G3BP2: variants seen among roughly 807,000 people sequenced by gnomAD.
G3BP2 encodes ras GTPase-activating protein-binding protein 2.
A neutral mutation model predicts 56.7 loss-of-function variants in G3BP2; 11 were observed. The observed-to-expected ratio is 0.19, with a 90% confidence interval of 0.12 to 0.32. The LOEUF is 0.32. G3BP2 is among the 10% of genes least tolerant of loss of function. The pLI is 1.00. For synonymous variants in G3BP2, 165 were observed against 191.6 expected (o/e 0.86, Z 1.15); for missense variants, 340 against 610.9 (o/e 0.56, Z 4.67).
At chr4:75,714,486 G>A (rs1719863622) in intron 3 of G3BP2, among the ~76,000 whole-genome samples, 1 of 152,092 alleles carries the variant, frequency 6.6e-6, no homozygotes, top group Non-Finnish European at 1.5e-5. Context: ...AAATTAACTG[G>A]GCGTGGTGGC....
chr4:75,654,446 G>C (rs549473588), intron 7 of G3BP2, among the ~76,000 whole-genome samples: 1 of 152,196 alleles, frequency 6.6e-6, no homozygotes, highest in African/African-American at 2.4e-5. Flanking sequence ...TGGTGTTAAC[G>C]GGAGAGGGAA....
intron 3 of G3BP2, among the ~76,000 whole-genome samples, chr4:75,697,969 T>C (rs1274385960): frequency 6.6e-6 from 1 of 151,980 alleles, no homozygotes; most frequent in African/African-American, 2.4e-5. Context: ...AAATATGAAA[T>C]ACAAACAACC....
At chr4:75,683,866 G>A (rs1482037950) in intron 3 of G3BP2, among the ~76,000 whole-genome samples, 1 of 152,126 alleles carries the variant, frequency 6.6e-6, no homozygotes, top group African/African-American at 2.4e-5. Flanking sequence ...GTGGTGACAT[G>A]AAAAGGGAAA....
chr4:75,660,729 T>TTTC (rs1387000255), intron 2 of G3BP2, among the ~76,000 whole-genome samples: 25 of 152,230 alleles, frequency 1.6e-4, no homozygotes, highest in African/African-American at 6.0e-4. Context: ...TTAAACAGCC[T>TTTC]TTCTCACAGT....
chr4:75,658,860 C>T lies in G3BP2; in HGVS notation c.160G>A (p.Ala54Thr). The change falls in exon 3 of 12, where the codon GCT becomes ACT. Residue 54 changes from alanine (A) to threonine (T), a missense_variant. By Grantham distance (58) the Ala-to-Thr change is moderately conservative. Transcript: ENST00000359707. ...GVDASGKPQE[A>T]VYGQNDIHHK... ...ATACTTACATTTTGGCCATAAACAG[C>T]TTCCTGGGGCTTTCCACTAGCATCT... The T allele has an allele frequency of 6.2e-7, 1 of 1,610,658 alleles. No individual in the cohort carries two copies. The highest frequency in any genetic ancestry group is 1.1e-5 in the South Asian group (1 of 90,980).
rs543495301 is a variant in G3BP2 at position 75,710,010 on chromosome 4, G to GA, written c.-25+10866dup. On this transcript the variant is annotated intron_variant, in intron 3 of 3. Coordinates refer to the G3BP2 transcript ENST00000499709. ...AAGGTCAGCTAATTCCATTTAATGGGAAAAAAGAGCTTATTGAACATATGA... is the reference window on the plus strand; with the variant it reads ...AAGGTCAGCTAATTCCATTTAATGGGAAAAAAAGAGCTTATTGAACATATGA... Among the ~76,000 whole-genome samples the GA allele has an allele frequency of 3.8e-3, 580 of 152,182 alleles. 5 individuals carry two copies. Among genetic ancestry groups the GA allele is most frequent in the African/African-American group, 0.013 (553 of 41,518 alleles).
intron 3 of G3BP2, among the ~76,000 whole-genome samples, chr4:75,706,168 TCTA>T (rs1488693954): frequency 2.0e-5 from 3 of 152,184 alleles, no homozygotes; most frequent in African/African-American, 7.2e-5. Flanking sequence ...CTTTGGAAAC[TCTA>T]CTAAGATCCT....
intron 2 of G3BP2, chr4:75,661,645 A>T: frequency 4.7e-6 from 1 of 211,402 alleles, no homozygotes; most frequent in South Asian, 7.9e-5. Context: ...GTGACAGAGG[A>T]GACCATGACT....
At chr4:75,717,796 C>T (rs997513774) in intron 3 of G3BP2, among the ~76,000 whole-genome samples, 1 of 152,130 alleles carries the variant, frequency 6.6e-6, no homozygotes, top group African/African-American at 2.4e-5. Flanking sequence ...CCACAAGAAA[C>T]AGTGCTAGGG....
At position 75,645,111 on chromosome 4, in the gene G3BP2, A is replaced by C. The variant is rs191065771; in HGVS notation, c.*319T>G. The C allele has an allele frequency of 1.8e-4, 53 of 291,788 alleles. No homozygotes were observed. The highest frequency in any genetic ancestry group is 1.0e-3 in the Middle Eastern group (1 of 1,002). 18.1% of individuals were successfully genotyped at this position (291,788 alleles called of 1,614,324 possible). ...AACACTTAAACAAAATGTGCAGCAG[A>C]AGATTTTTTTTTTACTCAAAGGACC... On this transcript the variant is annotated 3_prime_UTR_variant, in exon 12 of 12. Transcript: ENST00000359707.
chr4:75,648,930 G>T (rs946580724), intron 8 of G3BP2, 189 bp from the exon 9 acceptor site: 3 of 425,906 alleles, frequency 7.0e-6, no homozygotes, highest in Non-Finnish European at 8.5e-6. Flanking sequence ...AGGACTGTAG[G>T]TAGCTTTTGT....
intron 1 of G3BP2, among the ~76,000 whole-genome samples, chr4:75,671,743 T>A (rs563391363): frequency 6.6e-6 from 1 of 152,344 alleles, no homozygotes; most frequent in East Asian, 1.9e-4. Context: ...AAGAGTAATC[T>A]TAAACATTTA....
chr4:75,708,059 T>C (rs769707089), intron 3 of G3BP2, among the ~76,000 whole-genome samples: 6 of 152,158 alleles, frequency 3.9e-5, no homozygotes, highest in Admixed American at 6.5e-5. Context: ...TGTGCTGAAA[T>C]GGTTGCCCTC....
At chr4:75,651,933 T>C (rs546469864) in intron 8 of G3BP2, among the ~76,000 whole-genome samples, 1 of 152,340 alleles carries the variant, frequency 6.6e-6, no homozygotes, top group African/African-American at 2.4e-5. Context: ...ACCAATACCC[T>C]GGAATTAACT....
At chr4:75,645,976 A>G (rs766082655) in intron 11 of G3BP2, among the ~76,000 whole-genome samples, 2 of 151,694 alleles carry the variant, frequency 1.3e-5, no homozygotes, top group Non-Finnish European at 2.9e-5. Flanking sequence ...ATGGCCGGCT[A>G]TTTTTCTTTT....
chr4:75,685,500 C>CAAA (rs36037063), intron 3 of G3BP2, among the ~76,000 whole-genome samples: 2 of 84,694 alleles, frequency 2.4e-5, no homozygotes, highest in Admixed American at 1.3e-4. Context: ...GACTCCGTCT[C>CAAA]AAAAAAAAAA....
chr4:75,688,155 C>G (rs1718693837), intron 3 of G3BP2, among the ~76,000 whole-genome samples: 1 of 148,234 alleles, frequency 6.7e-6, no homozygotes, highest in South Asian at 2.1e-4. Context: ...CTTCTTGAAC[C>G]TGGTGCCTTC....
chr4:75,653,571 T>G (rs1296193837), intron 8 of G3BP2, among the ~76,000 whole-genome samples: 3 of 122,514 alleles, frequency 2.4e-5, no homozygotes, highest in Non-Finnish European at 3.4e-5. Context: ...AGTTTCCTGG[T>G]TTTTTTTTTT....
At chr4:75,692,089 G>A (rs1209771647) in intron 3 of G3BP2, among the ~76,000 whole-genome samples, 2 of 152,072 alleles carry the variant, frequency 1.3e-5, no homozygotes, top group Non-Finnish European at 1.5e-5. Flanking sequence ...CTTTCCTTTT[G>A]TCTTTCCCTT....
Sources: allele counts gnomAD v4.1 joint callset (sites outside exome capture counted in the v4.1 genomes callset), GRCh38; gene constraint gnomAD v4.1.1; transcripts MANE v1.5; gene names NCBI Gene and HGNC (gene_info 2026-07-23, HGNC 2026-07-21).